The following JADE3 variants were observed in gnomAD, a reference collection of about 807,000 sequenced individuals.
JADE3 encodes the protein jade family PHD finger 3.
A neutral mutation model predicts 50.1 loss-of-function variants in JADE3; 2 were observed. That is an observed-to-expected ratio of 0.04 (90% confidence interval 0.02 to 0.13). The LOEUF (loss-of-function observed/expected upper bound fraction) is 0.13, where lower values mean the gene tolerates loss of function less well. JADE3 is among the 10% of genes least tolerant of loss of function. The pLI, the probability that JADE3 is intolerant of heterozygous loss-of-function variation, is 1.00. For synonymous variants in JADE3, 218 were observed against 232.9 expected (o/e 0.94, Z 0.58); for missense variants, 475 against 634.4 (o/e 0.75, Z 2.70).
At chrX:46,917,831 C>CTCTCT (rs1926125785) in intron 1 of JADE3, among the ~76,000 whole-genome samples, 1 of 16,812 alleles carries the variant, frequency 5.9e-5, no homozygotes, top group African/African-American at 1.7e-4. Flanking sequence ...CACTCTCTCT[C>CTCTCT]ATCCTCTCTC....
intron 1 of JADE3, among the ~76,000 whole-genome samples, chrX:46,971,920 G>A (rs1334075839): frequency 9.1e-6 from 1 of 110,471 alleles, no homozygotes; most frequent in East Asian, 2.8e-4. Context: ...ACAGTGAGCT[G>A]AGAAATTAGG....
intron 7 of JADE3, among the ~76,000 whole-genome samples, chrX:47,035,383 C>T (rs1556367717): frequency 8.9e-6 from 1 of 111,909 alleles, no homozygotes; most frequent in Non-Finnish European, 1.9e-5. Flanking sequence ...TGGCTATAGA[C>T]ATCAGTATTT....
chrX:46,912,921 G>A (rs1207580715), intron 1 of JADE3: 4 of 112,380 alleles, frequency 3.6e-5, no homozygotes, highest in Non-Finnish European at 5.7e-5. Context: ...CCGAGAGCGT[G>A]TGTGGGCTGA....
chrX:46,925,736 A>G (rs1244098386), intron 1 of JADE3, among the ~76,000 whole-genome samples: 1 of 109,151 alleles, frequency 9.2e-6, no homozygotes, highest in Non-Finnish European at 1.9e-5. Flanking sequence ...AGGCAGGAGA[A>G]TGGCGTGAAC....
At chrX:46,955,112 T>C (rs1173188206) in intron 1 of JADE3, among the ~76,000 whole-genome samples, 1 of 112,814 alleles carries the variant, frequency 8.9e-6, no homozygotes, top group African/African-American at 3.2e-5. Flanking sequence ...AGAGAGCTGC[T>C]TGAGTTTTTA....
intron 8 of JADE3, among the ~76,000 whole-genome samples, chrX:47,052,393 A>G (rs1256897102): frequency 1.8e-5 from 2 of 109,816 alleles, no homozygotes; most frequent in Non-Finnish European, 3.8e-5. Flanking sequence ...GCACTTTGGC[A>G]TGCTGAGGCG....
At chrX:46,922,118 G>A (rs1461766243) in intron 1 of JADE3, among the ~76,000 whole-genome samples, 1 of 107,107 alleles carries the variant, frequency 9.3e-6, no homozygotes, top group Non-Finnish European at 1.9e-5. Flanking sequence ...CCCTCCCTGC[G>A]TCGATATGTT....
At chrX:46,969,423 G>GA (rs782368520) in intron 1 of JADE3, among the ~76,000 whole-genome samples, 171 of 110,101 alleles carry the variant, frequency 1.6e-3, no homozygotes, top group Non-Finnish European at 2.8e-3. Context: ...CTCAAAAAAG[G>GA]AAAAAAACAA....
At chrX:46,971,746 A>T (rs1252197836) in intron 1 of JADE3, among the ~76,000 whole-genome samples, 1 of 106,382 alleles carries the variant, frequency 9.4e-6, no homozygotes, top group Non-Finnish European at 1.9e-5. Context: ...CAGTGAGCTG[A>T]GATTGCGCTA....
chrX:46,957,213 TTAGATAGA>T lies in JADE3; in HGVS notation c.-11-27632_-11-27625del, dbSNP rs61650300. 9.6e-3 allele frequency among the ~76,000 whole-genome samples: 950 copies of T among 98,567 alleles called. 10 individuals carry two copies. Among genetic ancestry groups the T allele is most frequent in the South Asian group, 0.033 (65 of 1,948 alleles). 85.6% of individuals were successfully genotyped at this position (98,567 alleles called of 115,157 possible). A position where few individuals can be genotyped will look rare whatever the true frequency, so the allele number is the denominator to read the frequency against. On this transcript the variant is annotated intron_variant, in intron 1 of 10. Transcript: ENST00000614628. ...TCCTCCCTCCTCAGTTTCAGATAGA[TTAGATAGA>T]TAGATAGATAGATAGATAGATAGAT... is the stretch of plus-strand genomic sequence containing the variant.
intron 3 of JADE3, among the ~76,000 whole-genome samples, chrX:46,996,816 T>A (rs781952144): frequency 8.9e-6 from 1 of 112,125 alleles, no homozygotes; most frequent in Admixed American, 9.5e-5. Context: ...GCAAAGACCC[T>A]TTTTCCAAAT....
chrX:47,050,280 G>A (rs782686952), intron 8 of JADE3, among the ~76,000 whole-genome samples: 1 of 111,788 alleles, frequency 8.9e-6, no homozygotes, highest in East Asian at 2.8e-4. Context: ...CATTGTAGTT[G>A]TACATATTTG....
intron 7 of JADE3, among the ~76,000 whole-genome samples, chrX:47,035,635 T>G (rs1311661513): frequency 4.5e-5 from 5 of 111,351 alleles, no homozygotes; most frequent in African/African-American, 1.6e-4. Context: ...TCCAGTGCCT[T>G]CTGGACTACT....
At chrX:46,957,781 A>G (rs940426843) in intron 1 of JADE3, among the ~76,000 whole-genome samples, 2 of 111,979 alleles carry the variant, frequency 1.8e-5, no homozygotes, top group East Asian at 5.6e-4. Flanking sequence ...GACCCACTTC[A>G]TTGTTTTTAA....
intron 7 of JADE3, among the ~76,000 whole-genome samples, chrX:47,034,946 G>A (rs1929102495): frequency 9.1e-6 from 1 of 110,204 alleles, no homozygotes; most frequent in African/African-American, 3.3e-5. Flanking sequence ...TCTTTTTAGG[G>A]CTTACACTCA....
intron 1 of JADE3, 59 bp from the exon 2 acceptor site, chrX:46,984,825 A>G (rs1927828458): frequency 1.1e-6 from 1 of 878,707 alleles, no homozygotes. Flanking sequence ...GACAGTGTTG[A>G]CTGCCCTCTG....
chrX:46,955,829 A>G (rs1927101371), intron 1 of JADE3, among the ~76,000 whole-genome samples: 1 of 110,833 alleles, frequency 9.0e-6, no homozygotes, highest in Non-Finnish European at 1.9e-5. Flanking sequence ...CAAAGAATAC[A>G]TATTTTTCCT....
intron 6 of JADE3, among the ~76,000 whole-genome samples, chrX:47,032,288 G>T (rs1359739755): frequency 9.0e-6 from 1 of 111,490 alleles, no homozygotes; most frequent in African/African-American, 3.3e-5. Flanking sequence ...AGTCTTTATA[G>T]CCACATACAG....
At chrX:47,024,516 A>G (rs1196284707) in intron 4 of JADE3, among the ~76,000 whole-genome samples, 3 of 111,863 alleles carry the variant, frequency 2.7e-5, no homozygotes, top group African/African-American at 9.7e-5. Flanking sequence ...AAAAATTAGA[A>G]TGTTGGGAAC....
Sources: allele counts gnomAD v4.1 joint callset (sites outside exome capture counted in the v4.1 genomes callset), GRCh38; gene constraint gnomAD v4.1.1; transcripts MANE v1.5; gene names NCBI Gene and HGNC (gene_info 2026-07-23, HGNC 2026-07-21).